RUFY4: variants seen among roughly 807,000 people sequenced by gnomAD.
RUFY4 encodes RUN and FYVE domain containing 4.
Under a neutral mutation model 69.0 loss-of-function variants are expected in RUFY4, and 73 were observed. That is an observed-to-expected ratio of 1.06 (90% CI 0.88 to 1.29). The LOEUF (loss-of-function observed/expected upper bound fraction) is 1.29, where lower values mean the gene tolerates loss of function less well. RUFY4 is among the 50% of genes most tolerant of loss of function. The pLI, the probability that RUFY4 is intolerant of heterozygous loss-of-function variation, is 0.00. For synonymous variants in RUFY4, 287 were observed against 271.8 expected (o/e 1.06, Z -0.55); for missense variants, 770 against 705.6 (o/e 1.09, Z -1.03).
At chr2:218,063,642 G>C (rs1382737293) in intron 3 of RUFY4, among the ~76,000 whole-genome samples, 1 of 152,180 alleles carries the variant, frequency 6.6e-6, no homozygotes, top group Non-Finnish European at 1.5e-5. Flanking sequence ...AAGAGGAATA[G>C]GAAGAACCTC....
rs1168659330 is a variant in RUFY4 at position 218,076,457 on chromosome 2, G to A, written c.1279G>A (p.Glu427Lys). Residue 427 changes from glutamate (E) to lysine (K), a missense_variant, in exon 8 of 11, where the codon GAG (glutamate) becomes AAG (lysine). By Grantham distance (56) the Glu-to-Lys change is moderately conservative (BLOSUM62 1). Transcript: ENST00000344321. Reference sequence around the variant, plus strand: ...CAGACTTGGGCTCCGGAAGGCTGAGGAGCAGGCCCAGCGCCAGGAGCAGCT... The same window carrying A: ...CAGACTTGGGCTCCGGAAGGCTGAGAAGCAGGCCCAGCGCCAGGAGCAGCT... 9 of 1,550,040 alleles carry A rather than the reference G, an allele frequency of 5.8e-6. No homozygotes were observed. Among genetic ancestry groups the A allele is most frequent in the Middle Eastern group, 1.8e-4 (1 of 5,500 alleles).
rs59819809 is a variant in RUFY4, at chr2:218,037,319, C to CAA, written c.-1158+1936_-1158+1937dup. Among the ~76,000 whole-genome samples, 815 of 145,160 alleles carry CAA rather than the reference C, an allele frequency of 5.6e-3. 4 individuals are homozygous for CAA. Among genetic ancestry groups the CAA allele is most frequent in the African/African-American group, 0.016 (629 of 39,526 alleles). On this transcript the variant is annotated intron_variant and NMD_transcript_variant, in intron 2 of 13. Transcript: ENST00000457754. ...TGGGCAATAGTGCAAAACTCAGTCTCAAAAAAAAAAAAGATAATAAACTGA... is the reference window on the plus strand; with the variant it reads ...TGGGCAATAGTGCAAAACTCAGTCTCAAAAAAAAAAAAAAGATAATAAACTGA...
At chr2:218,083,539 G>A (rs2106070715) in intron 9 of RUFY4, among the ~76,000 whole-genome samples, 1 of 152,210 alleles carries the variant, frequency 6.6e-6, no homozygotes. Flanking sequence ...AATGAGGTCA[G>A]GAGTTCAAGA....
intron 3 of RUFY4, chr2:218,059,796 T>C (rs1689141222): frequency 6.0e-6 from 1 of 166,796 alleles, no homozygotes; most frequent in Non-Finnish European, 1.5e-5. Context: ...TGTACAAATA[T>C]GTGTTCAAGT....
At chr2:218,052,745 TAA>T (rs767229733) in intron 2 of RUFY4, among the ~76,000 whole-genome samples, 1,839 of 144,792 alleles carry the variant, frequency 0.013, 36 homozygotes, top group African/African-American at 0.044. Context: ...TTTTTTTTTT[TAA>T]AAAAAAAAGA....
intron 3 of RUFY4, chr2:218,060,238 C>T (rs1334573490): frequency 2.7e-6 from 3 of 1,130,338 alleles, no homozygotes; most frequent in Non-Finnish European, 3.7e-6. Flanking sequence ...GTGGGGGCTG[C>T]ACTGACACTG....
At chr2:218,040,535 G>A (rs1959046828) in intron 2 of RUFY4, among the ~76,000 whole-genome samples, 1 of 152,088 alleles carries the variant, frequency 6.6e-6, no homozygotes, top group Non-Finnish European at 1.5e-5. Flanking sequence ...GAGGATTTCT[G>A]ATAAACTGGT....
rs1485972665 is a variant in RUFY4, at chr2:218,049,401, A to G, written c.-1157-9194A>G. Among the ~76,000 whole-genome samples the G allele has an allele frequency of 4.6e-5, 7 of 152,074 alleles. No homozygotes were observed. In the East Asian group the frequency reaches 1.2e-3, roughly 25 times the overall value. On this transcript the variant is annotated intron_variant and NMD_transcript_variant, in intron 2 of 13. Coordinates refer to the RUFY4 transcript ENST00000457754. Reference sequence around the variant, plus strand: ...AAGTTTTTCCTTCAGCACTTTGAATATATCATCTCACTCTCCTGGCCAGTA... The same window carrying G: ...AAGTTTTTCCTTCAGCACTTTGAATGTATCATCTCACTCTCCTGGCCAGTA...
chr2:218,050,766 T>C (rs1688925880), intron 2 of RUFY4, among the ~76,000 whole-genome samples: 1 of 152,198 alleles, frequency 6.6e-6, no homozygotes, highest in Non-Finnish European at 1.5e-5. Context: ...AATGTACAGA[T>C]GAGAGTACAT....
intron 2 of RUFY4, among the ~76,000 whole-genome samples, chr2:218,049,552 G>A (rs537324991): frequency 6.6e-6 from 1 of 151,588 alleles, no homozygotes; most frequent in South Asian, 2.1e-4. Flanking sequence ...TGTTGCCCAG[G>A]CTGGAGTGCA....
chr2:218,071,181 C>A (rs910851117), intron 2 of RUFY4, among the ~76,000 whole-genome samples: 1 of 152,208 alleles, frequency 6.6e-6, no homozygotes, highest in Non-Finnish European at 1.5e-5. Context: ...CCAACTATGA[C>A]CAGCACCGCT....
At chr2:218,045,236 A>C (rs1468920123) in intron 2 of RUFY4, among the ~76,000 whole-genome samples, 1 of 152,200 alleles carries the variant, frequency 6.6e-6, no homozygotes, top group African/African-American at 2.4e-5. Context: ...ATTTGACTGC[A>C]TGAGAAATCT....
chr2:218,042,832 G>A (rs1300829824), intron 2 of RUFY4, among the ~76,000 whole-genome samples: 2 of 152,106 alleles, frequency 1.3e-5, no homozygotes, highest in Admixed American at 6.5e-5. Context: ...AACAGGACCA[G>A]AATTTGATAA....
At chr2:218,036,153 G>GA (rs1958974096) in intron 2 of RUFY4, among the ~76,000 whole-genome samples, 1 of 152,204 alleles carries the variant, frequency 6.6e-6, no homozygotes, top group African/African-American at 2.4e-5. Flanking sequence ...GATTGAATGG[G>GA]ACAAAGATAT....
intron 3 of RUFY4, 32 bp downstream of exon 5, chr2:218,072,531 G>C: frequency 2.6e-6 from 4 of 1,534,792 alleles, no homozygotes; most frequent in Non-Finnish European, 3.5e-6. Flanking sequence ...GAAGGCTGAC[G>C]GGGTGGGGGT....
At position 218,075,466 on chromosome 2, in the gene RUFY4, G is replaced by A. The variant is rs772392251; in HGVS notation, c.974G>A (p.Gly325Asp). The change falls in exon 7 of 11, where the codon GGT (glycine) becomes GAT (aspartate). Residue 325 changes from glycine to aspartate, a missense_variant. Physicochemically the swap from Gly to Asp is moderately conservative, Grantham distance 94 (BLOSUM62 -1). Coordinates refer to ENST00000344321, the Ensembl canonical transcript of RUFY4. ...ACAGGGGTTCTGCTGGTTGCAGAGG[G>A]TCAGAGAACAACAGAGGGGACTCAC... 16 of 1,607,210 alleles carry A rather than the reference G, an allele frequency of 1.0e-5. No individual in the cohort carries two copies. The East Asian group carries it at 3.1e-4, about 31-fold the overall frequency.
At chr2:218,062,489 G>T (rs1334307583) in intron 3 of RUFY4, among the ~76,000 whole-genome samples, 1 of 151,918 alleles carries the variant, frequency 6.6e-6, no homozygotes, top group Non-Finnish European at 1.5e-5. Flanking sequence ...GAGGCAGGCG[G>T]ATTGCCTGAG....
At chr2:218,052,488 G>T (rs939186615) in intron 2 of RUFY4, among the ~76,000 whole-genome samples, 3 of 152,120 alleles carry the variant, frequency 2.0e-5, no homozygotes, top group African/African-American at 7.2e-5. Context: ...TTTGTATGAG[G>T]TTTGCCTTCC....
intron 9 of RUFY4, among the ~76,000 whole-genome samples, chr2:218,088,179 G>A (rs964847388): frequency 4.6e-5 from 7 of 152,114 alleles, no homozygotes; most frequent in Admixed American, 6.5e-5. Flanking sequence ...AAAACAACCC[G>A]TCTTCCTAAA....
Sources: allele counts gnomAD v4.1 joint callset (sites outside exome capture counted in the v4.1 genomes callset), GRCh38; gene constraint gnomAD v4.1.1; transcripts MANE v1.5; gene names NCBI Gene and HGNC (gene_info 2026-07-23, HGNC 2026-07-21).